The following ZNF716 variants were observed in gnomAD, a reference collection of about 807,000 sequenced individuals.
ZNF716 encodes the protein zinc finger protein 716.
ZNF716 carries 9 observed loss-of-function variants against 13.4 expected under a neutral mutation model. The ratio of observed to expected loss-of-function variants is 0.67; its 90% CI spans 0.41 to 1.18. The LOEUF (loss-of-function observed/expected upper bound fraction) is 1.18. Among genes scored for constraint, ZNF716 ranks in the 50% most tolerant of loss-of-function variants. ZNF716 has a pLI of 0.01. For missense variants in ZNF716, 581 were observed against 576.6 expected (o/e 1.01, Z -0.08); for synonymous variants, 186 against 195.2 (o/e 0.95, Z 0.39).
chr7:57,466,880 T>C (rs2116422617), intron 3 of ZNF716, among the ~76,000 whole-genome samples: 1 of 152,190 alleles, frequency 6.6e-6, no homozygotes, highest in South Asian at 2.1e-4. Context: ...TGTATATAAA[T>C]ATATATTTTG....
Position 57,470,032 on chromosome 7 carries a change from G to C in ZNF716, c.*83G>C, listed in dbSNP as rs1388598207. ...AATCACTACAAGTGTGGAGAATGTGGCCAATTCTTTAACCAGTTCCAAACC... is the reference window on the plus strand; with the variant it reads ...AATCACTACAAGTGTGGAGAATGTGCCCAATTCTTTAACCAGTTCCAAACC... On this transcript the variant is annotated 3_prime_UTR_variant, in exon 4 of 4. Transcript: ENST00000420713. 3 of 1,335,252 alleles carry C rather than the reference G, an allele frequency of 2.2e-6. No individual in the cohort carries two copies. Among genetic ancestry groups the C allele is most frequent in the Non-Finnish European group, 3.0e-6 (3 of 995,722 alleles). 82.7% of individuals were successfully genotyped at this position (1,335,252 alleles called of 1,614,324 possible). A position where few individuals can be genotyped will look rare whatever the true frequency, so the allele number is the denominator to read the frequency against.
At chr7:57,452,719 C>G (rs1789518974) in intron 1 of ZNF716, among the ~76,000 whole-genome samples, 1 of 152,076 alleles carries the variant, frequency 6.6e-6, no homozygotes, top group Non-Finnish European at 1.5e-5. Flanking sequence ...TTTGTCTTCT[C>G]CAAGCACAGA....
chr7:57,462,394 T>C (rs1174923365), intron 1 of ZNF716, 66 bp from the exon 2 acceptor site: 1 of 1,561,302 alleles, frequency 6.4e-7, no homozygotes, highest in South Asian at 1.1e-5. Context: ...TCTCTGCCTA[T>C]GGCAACATGG....
At chr7:57,457,706 G>A (rs1789628468) in intron 1 of ZNF716, among the ~76,000 whole-genome samples, 1 of 151,980 alleles carries the variant, frequency 6.6e-6, no homozygotes, top group African/African-American at 2.4e-5. Flanking sequence ...TTGTTGTATA[G>A]GTAAAATCAT....
In ZNF716 at chr7:57,471,693, AAAC is replaced by A. The variant is rs782742707; in HGVS notation, c.*1746_*1748del. 9.2e-5 allele frequency: 14 copies of A among 152,318 alleles called. No homozygotes were observed. Among genetic ancestry groups the A allele is most frequent in the Middle Eastern group, 3.4e-3 (1 of 294 alleles). 9.4% of individuals were successfully genotyped at this position (152,318 alleles called of 1,614,324 possible). On this transcript the variant is annotated 3_prime_UTR_variant, in exon 4 of 4. Coordinates refer to ENST00000420713, the MANE Select transcript of ZNF716 (RefSeq NM_001159279.1). The stretch of plus-strand genomic sequence containing the variant: ...ATTTGTTCAAAAACTACAGTTTAGA[AAAC>A]ACTAGTTTATACTAAAAAAATATTT...
At chr7:57,452,327 A>T (rs1431236856) in intron 1 of ZNF716, among the ~76,000 whole-genome samples, 1 of 152,016 alleles carries the variant, frequency 6.6e-6, no homozygotes, top group Non-Finnish European at 1.5e-5. Flanking sequence ...CCCATTTGTA[A>T]ATATTTCACA....
At chr7:57,463,278 C>T (rs1400761061) in intron 3 of ZNF716, 110 bp downstream of exon 3, 1 of 1,451,344 alleles carries the variant, frequency 6.9e-7, no homozygotes, top group African/African-American at 1.4e-5. Flanking sequence ...GGAAGAGTTT[C>T]TGAGAAGCCA....
At chr7:57,465,709 G>T (rs1554323957) in intron 3 of ZNF716, among the ~76,000 whole-genome samples, 2 of 152,100 alleles carry the variant, frequency 1.3e-5, no homozygotes, top group Non-Finnish European at 1.5e-5. Flanking sequence ...GAGCAAATAA[G>T]AATATTGCAT....
rs1466400069 is a variant in ZNF716, at chr7:57,470,049, T to A, written c.*100T>A. The A allele has an allele frequency of 1.7e-6, 2 of 1,165,802 alleles. No homozygotes were observed. The highest frequency in any genetic ancestry group is 5.8e-5 in the Admixed American group (2 of 34,660). The allele number at this position is 1,165,802 out of a possible 1,614,324, so 72.2% of individuals were successfully genotyped here. ...AGAATGTGGCCAATTCTTTAACCAG[T>A]TCCAAACCACTGCTGTCCATAAGAT... On this transcript the variant is annotated 3_prime_UTR_variant, in exon 4 of 4. Coordinates refer to ENST00000420713, the MANE Select transcript of ZNF716 (RefSeq NM_001159279.1).
In ZNF716 at chr7:57,468,811, A is replaced by G; in HGVS notation, c.350A>G (p.Lys117Arg). ...AAAGTGATACTGAGAAGATATGGAA[A>G]ATGTGGACAGGAGGATTTACAAGTA... ...LQKVILRRYG[K>R]CGQEDLQVKK... is the part of the protein sequence containing the mutation. Residue 117 changes from lysine (K) to arginine (R), a missense_variant, in exon 4 of 4, where the codon AAA (lysine) becomes AGA (arginine). Transcript: ENST00000420713. 6.2e-7 allele frequency: 1 copy of G among 1,613,784 alleles called. No individual in the cohort carries two copies. Among genetic ancestry groups the G allele is most frequent in the Non-Finnish European group, 8.5e-7 (1 of 1,179,840 alleles).
chr7:57,469,087 G>A lies in ZNF716; in HGVS notation c.626G>A (p.Arg209Lys). 6.2e-7 allele frequency: 1 copy of A among 1,608,286 alleles called. No individual in the cohort carries two copies. The highest frequency in any genetic ancestry group is 1.1e-5 in the South Asian group (1 of 90,684). The change falls in exon 4 of 4, where the codon AGG (arginine) becomes AAG (lysine). Residue 209 changes from arginine to lysine, a missense_variant. Physicochemically the swap from Arg to Lys is conservative, Grantham distance 26. Coordinates refer to ENST00000420713, the MANE Select transcript of ZNF716 (RefSeq NM_001159279.1). ...RLNQHQIIHTREKSYKCEECG... is the reference protein window; with the variant it reads ...RLNQHQIIHTKEKSYKCEECG... ...AATCAACATCAGATAATTCATACTA[G>A]GGAGAAGTCTTACAAATGTGAAGAA...
chr7:57,457,434 T>C (rs562842833), intron 1 of ZNF716, among the ~76,000 whole-genome samples: 1 of 152,256 alleles, frequency 6.6e-6, no homozygotes, highest in Admixed American at 6.5e-5. Context: ...AACTTCTGCC[T>C]CCCAGGTTCA....
intron 1 of ZNF716, among the ~76,000 whole-genome samples, chr7:57,451,194 T>C (rs1352991033): frequency 1.3e-5 from 2 of 151,996 alleles, no homozygotes; most frequent in Admixed American, 1.3e-4. Context: ...TTTTGTTTTT[T>C]AGTAGAGACG....
intron 3 of ZNF716, among the ~76,000 whole-genome samples, chr7:57,464,313 G>C (rs1156452121): frequency 6.6e-6 from 1 of 151,736 alleles, no homozygotes; most frequent in Non-Finnish European, 1.5e-5. Flanking sequence ...TAGAGATGGA[G>C]TTTCGCCATG....
At chr7:57,461,367 A>C (rs184750827) in intron 1 of ZNF716, among the ~76,000 whole-genome samples, 2 of 152,184 alleles carry the variant, frequency 1.3e-5, no homozygotes, top group Non-Finnish European at 1.5e-5. Context: ...GCACATAATA[A>C]AAATGTGTCC....
Position 57,468,774 on chromosome 7 carries a change from G to T in ZNF716, c.313G>T (p.Asp105Tyr), listed in dbSNP as rs782307669. ...QDLQSEQGIK[D>Y]SLQKVILRRY... The stretch of plus-strand genomic sequence containing the variant: ...CCTTCAGTCAGAGCAGGGCATAAAA[G>T]ATTCACTCCAAAAAGTGATACTGAG... The change falls in exon 4 of 4, where the codon GAT (aspartate) becomes TAT (tyrosine). Residue 105 changes from aspartate to tyrosine, a missense_variant. Physicochemically the swap from Asp to Tyr is radical, Grantham distance 160. Transcript: ENST00000420713. The T allele has an allele frequency of 1.2e-6, 2 of 1,613,330 alleles. No homozygotes were observed. The highest frequency in any genetic ancestry group is 8.5e-7 in the Non-Finnish European group (1 of 1,179,694).
rs1374630659 is a variant in ZNF716, at chr7:57,465,840, A to T, written c.262+2672A>T. Among the ~76,000 whole-genome samples, 4 of 152,348 alleles carry T rather than the reference A, an allele frequency of 2.6e-5. 1 individual carries two copies. Among genetic ancestry groups the T allele is most frequent in the Non-Finnish European group, 2.9e-5 (2 of 68,040 alleles). ...AAATGTGGCACATACACACCATGGT[A>T]TGCTATGCAGCCATAATAAATGATG... is the stretch of plus-strand genomic sequence containing the variant. On this transcript the variant is annotated intron_variant, in intron 3 of 3. Transcript: ENST00000420713.
In ZNF716 at chr7:57,467,499, C is replaced by A. The variant is rs539735347; in HGVS notation, c.263-1225C>A. Among the ~76,000 whole-genome samples, 102 of 151,412 alleles carry A rather than the reference C, an allele frequency of 6.7e-4. 1 individual carries two copies. Among genetic ancestry groups the A allele is most frequent in the Admixed American group, 1.4e-3 (21 of 15,108 alleles). On this transcript the variant is annotated intron_variant, in intron 3 of 3. Coordinates refer to ENST00000420713, the MANE Select transcript of ZNF716 (RefSeq NM_001159279.1). Reference sequence around the variant, plus strand: ...GTGTTTGCTGGTTATATTATTCTCACCATGAAGATTTTTTTTCAGCACTTT... The same window carrying A: ...GTGTTTGCTGGTTATATTATTCTCAACATGAAGATTTTTTTTCAGCACTTT...
In ZNF716 at chr7:57,471,160, T is replaced by C. The variant is rs1199079972; in HGVS notation, c.*1211T>C. ...GGCTAGATGTGGTGGCTCATGCCTGTAATCCCAGCACTTTGGGAGCTCATG... is the reference window on the plus strand; with the variant it reads ...GGCTAGATGTGGTGGCTCATGCCTGCAATCCCAGCACTTTGGGAGCTCATG... On this transcript the variant is annotated 3_prime_UTR_variant, in exon 4 of 4. Coordinates refer to ENST00000420713, the MANE Select transcript of ZNF716 (RefSeq NM_001159279.1). The C allele has an allele frequency of 6.6e-6, 1 of 152,180 alleles. No homozygotes were observed. The highest frequency in any genetic ancestry group is 1.5e-5 in the Non-Finnish European group (1 of 68,024). The allele number at this position is 152,180 out of a possible 1,614,324, so 9.4% of individuals were successfully genotyped here. A position where few individuals can be genotyped will look rare whatever the true frequency, so the allele number is the denominator to read the frequency against.
Sources: allele counts gnomAD v4.1 joint callset (sites outside exome capture counted in the v4.1 genomes callset), GRCh38; gene constraint gnomAD v4.1.1; transcripts MANE v1.5; gene names NCBI Gene and HGNC (gene_info 2026-07-23, HGNC 2026-07-21).